SLC44A1: variants seen among roughly 807,000 people sequenced by gnomAD.
SLC44A1 encodes solute carrier family 44 member 1.
A neutral mutation model predicts 79.3 loss-of-function variants in SLC44A1; 26 were observed. The observed-to-expected ratio is 0.33, with a 90% confidence interval of 0.24 to 0.46. The LOEUF (loss-of-function observed/expected upper bound fraction) is 0.46. Among genes scored for constraint, SLC44A1 ranks in the 20% least tolerant of loss-of-function variants. SLC44A1 has a pLI of 1.00. For synonymous variants in SLC44A1, 263 were observed against 286.2 expected, an observed-to-expected ratio of 0.92 and a Z score of 0.82; for missense variants, 688 against 798.1, an observed-to-expected ratio of 0.86 and a Z score of 1.66.
chr9:105,324,805 T>C (rs1407166195), intron 3 of SLC44A1, among the ~76,000 whole-genome samples: 8 of 152,162 alleles, frequency 5.3e-5, no homozygotes, highest in Non-Finnish European at 1.2e-4. Context: ...CAACAATAAG[T>C]TACTATTTCA....
intron 15 of SLC44A1, among the ~76,000 whole-genome samples, chr9:105,428,622 G>A (rs1829352678): frequency 6.6e-6 from 1 of 152,184 alleles, no homozygotes; most frequent in African/African-American, 2.4e-5. Context: ...CAGTCAGCAT[G>A]GGCTGTGCTA....
At chr9:105,363,796 AT>A (rs1827857561) in intron 9 of SLC44A1, among the ~76,000 whole-genome samples, 1 of 152,192 alleles carries the variant, frequency 6.6e-6, no homozygotes, top group Non-Finnish European at 1.5e-5. Flanking sequence ...CATCCTAGCA[AT>A]GTAAGTCTAG....
chr9:105,329,935 A>C (rs10820799), intron 3 of SLC44A1, among the ~76,000 whole-genome samples: 20,606 of 152,060 alleles, frequency 0.14, 2,839 homozygotes, highest in African/African-American at 0.36. Context: ...ATTTCCACTG[A>C]CATCTCAGCC....
chr9:105,356,333 G>C lies in SLC44A1; in HGVS notation c.622G>C (p.Val208Leu). 1 of 1,608,040 alleles carries C rather than the reference G, an allele frequency of 6.2e-7. No homozygotes were observed. The highest frequency in any genetic ancestry group is 1.1e-5 in the South Asian group (1 of 90,134). ...NSVLHRLISG[V>L]MTSKEIILGL... is the part of the protein sequence containing the mutation. Reference sequence around the variant, plus strand: ...TGTCTTACACAGGCTGATTAGTGGAGTAATGACCAGCAAAGAAATTATATT... The same window carrying C: ...TGTCTTACACAGGCTGATTAGTGGACTAATGACCAGCAAAGAAATTATATT... Residue 208 changes from valine (V) to leucine (L), a missense_variant, in exon 6 of 16, where the codon GTA (valine) becomes CTA (leucine). By Grantham distance (32) the Val-to-Leu change is conservative. Transcript: ENST00000374720.
intron 4 of SLC44A1, among the ~76,000 whole-genome samples, chr9:105,345,858 A>G (rs1172157777): frequency 6.6e-6 from 1 of 152,066 alleles, no homozygotes; most frequent in East Asian, 1.9e-4. Flanking sequence ...TGTGCTTTAG[A>G]TAAGCTTTTG....
chr9:105,381,829 G>A (rs1199187258), intron 13 of SLC44A1, among the ~76,000 whole-genome samples: 3 of 152,134 alleles, frequency 2.0e-5, no homozygotes, highest in Admixed American at 6.5e-5. Flanking sequence ...TTTTAACTCC[G>A]AGTTAAGATA....
At chr9:105,417,427 C>T (rs755987278) in intron 15 of SLC44A1, among the ~76,000 whole-genome samples, 67 of 152,060 alleles carry the variant, frequency 4.4e-4, no homozygotes, top group Non-Finnish European at 7.9e-4. Flanking sequence ...TTCAGCCATA[C>T]CATGCATGTC....
At chr9:105,405,863 C>T (rs909941014) in intron 15 of SLC44A1, among the ~76,000 whole-genome samples, 2 of 152,098 alleles carry the variant, frequency 1.3e-5, no homozygotes, top group African/African-American at 4.8e-5. Context: ...AGATGGAAGC[C>T]TGGGAAAGAA....
chr9:105,426,636 G>T (rs1446432862), intron 15 of SLC44A1, among the ~76,000 whole-genome samples: 1 of 152,152 alleles, frequency 6.6e-6, no homozygotes, highest in Non-Finnish European at 1.5e-5. Context: ...AGAAAACAGA[G>T]ACTAGGGAAG....
chr9:105,345,136 A>G (rs183553320), intron 4 of SLC44A1, among the ~76,000 whole-genome samples: 2 of 152,324 alleles, frequency 1.3e-5, no homozygotes, highest in East Asian at 1.9e-4. Flanking sequence ...ACTAATCTGC[A>G]TTGTACAAAG....
chr9:105,429,587 AC>A (rs1240481460), intron 15 of SLC44A1, among the ~76,000 whole-genome samples: 1 of 152,158 alleles, frequency 6.6e-6, no homozygotes, highest in Non-Finnish European at 1.5e-5. Context: ...ATAGGCATGC[AC>A]CACAACACCT....
At chr9:105,368,857 G>T (rs1404278221) in intron 12 of SLC44A1, among the ~76,000 whole-genome samples, 1 of 152,092 alleles carries the variant, frequency 6.6e-6, no homozygotes, top group African/African-American at 2.4e-5. Flanking sequence ...GGCCAACATG[G>T]TGAAACCCCA....
chr9:105,331,463 T>A (rs913025317), intron 3 of SLC44A1, among the ~76,000 whole-genome samples: 1 of 152,246 alleles, frequency 6.6e-6, no homozygotes, highest in African/African-American at 2.4e-5. Context: ...TTTGTTTCAT[T>A]GTCTAAAAAT....
downstream of SLC44A1, among the ~76,000 whole-genome samples, chr9:105,399,897 T>C (rs1224911899): frequency 6.6e-6 from 1 of 152,190 alleles, no homozygotes; most frequent in African/African-American, 2.4e-5. Flanking sequence ...GGAGAATCAT[T>C]GAAAATGAAA....
chr9:105,401,427 C>T (rs1244689345), downstream of SLC44A1, among the ~76,000 whole-genome samples: 3 of 151,892 alleles, frequency 2.0e-5, no homozygotes, highest in Non-Finnish European at 4.4e-5. Flanking sequence ...ATAGAATATA[C>T]CTAAAATGAA....
At position 105,365,610 on chromosome 9, in the gene SLC44A1, A is replaced by G. The variant is rs749310821; in HGVS notation, c.1381A>G (p.Met461Val). The G allele has an allele frequency of 2.5e-6, 4 of 1,613,752 alleles. No individual in the cohort carries two copies. Among genetic ancestry groups the G allele is most frequent in the Non-Finnish European group, 3.4e-6 (4 of 1,179,776 alleles). ...TLVKIPRMIL[M>V]YIHSQLKGKE... ...AGTCAAAATTCCGCGAATGATCCTT[A>G]TGTATATTCACAGTCAGCTCAAAGG... The change falls in exon 11 of 16, where the codon ATG (methionine) becomes GTG (valine). Residue 461 changes from methionine to valine, a missense_variant. Transcript: ENST00000374720.
rs886409531 is a variant in SLC44A1 at position 105,325,614 on chromosome 9, C to T, written c.270-9949C>T. On this transcript the variant is annotated intron_variant, in intron 3 of 15. Coordinates refer to ENST00000374720, the MANE Select transcript of SLC44A1 (RefSeq NM_080546.5). Reference sequence around the variant, plus strand: ...CTCTTCTTACAAAGCCACCAATTCCCCTCCCATGATAATTCATTAATCCAT... The same window carrying T: ...CTCTTCTTACAAAGCCACCAATTCCTCTCCCATGATAATTCATTAATCCAT... Among the ~76,000 whole-genome samples, 6 of 152,248 alleles carry T rather than the reference C, an allele frequency of 3.9e-5. No individual in the cohort carries two copies. The East Asian group carries it at 1.2e-3, about 29-fold the overall frequency.
intron 1 of SLC44A1, among the ~76,000 whole-genome samples, chr9:105,278,662 T>C (rs563299656): frequency 2.6e-5 from 4 of 152,308 alleles, no homozygotes; most frequent in African/African-American, 9.6e-5. Context: ...ATTACAGGCA[T>C]GAGCCACCAT....
At position 105,389,038 on chromosome 9, in the gene SLC44A1, G is replaced by C; in HGVS notation, c.1956G>C (p.Ser652=). The change falls in exon 16 of 16, where the codon TCG becomes TCC. Residue 652 remains serine, a synonymous_variant. Coordinates refer to ENST00000374720, the MANE Select transcript of SLC44A1 (RefSeq NM_080546.5). The stretch of plus-strand genomic sequence containing the variant: ...TGTATGACTTTGTTTTCTAGGCTTC[G>C]GGAGCAAGTTCTGCTTGAACCTAGC... ...ADSRELKPMA[S]GASSA 1 of 1,612,590 alleles carries C rather than the reference G, an allele frequency of 6.2e-7. No homozygotes were observed. The highest frequency in any genetic ancestry group is 8.5e-7 in the Non-Finnish European group (1 of 1,178,892).
Sources: allele counts gnomAD v4.1 joint callset (sites outside exome capture counted in the v4.1 genomes callset), GRCh38; gene constraint gnomAD v4.1.1; transcripts MANE v1.5; gene names NCBI Gene and HGNC (gene_info 2026-07-23, HGNC 2026-07-21).